VAV3: variants seen among roughly 807,000 people sequenced by gnomAD.
VAV3 encodes the protein guanine nucleotide exchange factor VAV3.
VAV3 carries 94 observed loss-of-function variants against 131.2 expected under a neutral mutation model. The observed-to-expected ratio is 0.72, with a 90% confidence interval of 0.61 to 0.85. The LOEUF (loss-of-function observed/expected upper bound fraction) is 0.85. Ranked by LOEUF, VAV3 falls within the 40% of genes least tolerant of loss-of-function variation. The pLI, the probability that VAV3 is intolerant of heterozygous loss-of-function variation, is 0.00. For synonymous variants in VAV3, 349 were observed against 342.0 expected, an observed-to-expected ratio of 1.02 and a Z score of -0.22; for missense variants, 939 against 1,002.7, an observed-to-expected ratio of 0.94 and a Z score of 0.86.
chr1:107,769,601 T>G (rs141170764), intron 6 of VAV3, among the ~76,000 whole-genome samples: 33 of 152,354 alleles, frequency 2.2e-4, no homozygotes, highest in African/African-American at 7.5e-4. Flanking sequence ...CCCAATCTAT[T>G]TGTCAATTCA....
At chr1:107,776,270 C>G (rs1665351381) in intron 4 of VAV3, among the ~76,000 whole-genome samples, 1 of 152,164 alleles carries the variant, frequency 6.6e-6, no homozygotes, top group Non-Finnish European at 1.5e-5. Context: ...CTGTGAAGTT[C>G]TAGGAATACA....
chr1:107,585,928 G>A (rs1650451100), intron 25 of VAV3, among the ~76,000 whole-genome samples: 1 of 152,192 alleles, frequency 6.6e-6, no homozygotes, highest in African/African-American at 2.4e-5. Flanking sequence ...GGTCACACAA[G>A]TGGCCTGTTA....
chr1:107,882,859 T>A (rs1474425422), intron 1 of VAV3, among the ~76,000 whole-genome samples: 1 of 152,150 alleles, frequency 6.6e-6, no homozygotes, highest in Non-Finnish European at 1.5e-5. Flanking sequence ...AGTTTAGGAC[T>A]GCACAATATG....
intron 19 of VAV3, among the ~76,000 whole-genome samples, chr1:107,676,880 T>C (rs1658248742): frequency 6.6e-6 from 1 of 152,162 alleles, no homozygotes. Flanking sequence ...TAGTTCATCA[T>C]GTACTCTACA....
At chr1:107,783,796 C>G (rs1459579342) in intron 2 of VAV3, among the ~76,000 whole-genome samples, 1 of 152,058 alleles carries the variant, frequency 6.6e-6, no homozygotes, top group South Asian at 2.1e-4. Context: ...CGCCTGTAAT[C>G]CCAGCACTTT....
chr1:107,759,086 A>G (rs544169905), intron 10 of VAV3, among the ~76,000 whole-genome samples: 2 of 152,064 alleles, frequency 1.3e-5, no homozygotes, highest in Non-Finnish European at 2.9e-5. Context: ...CCTTACATGT[A>G]CCTATCATAT....
chr1:107,693,783 G>A (rs1196742736), intron 17 of VAV3, among the ~76,000 whole-genome samples: 2 of 152,120 alleles, frequency 1.3e-5, no homozygotes, highest in Admixed American at 6.6e-5. Flanking sequence ...AACATATTCC[G>A]AACAGCAAAG....
At chr1:107,704,254 T>C (rs1037682160) in intron 17 of VAV3, among the ~76,000 whole-genome samples, 1 of 152,202 alleles carries the variant, frequency 6.6e-6, no homozygotes, top group African/African-American at 2.4e-5. Flanking sequence ...ATGGTTTTAG[T>C]CATTTATTTA....
At chr1:107,649,331 G>A (rs140891775) in intron 19 of VAV3, among the ~76,000 whole-genome samples, 1 of 152,232 alleles carries the variant, frequency 6.6e-6, no homozygotes, top group Non-Finnish European at 1.5e-5. Flanking sequence ...AAGAGAGACA[G>A]TCTAAAGGAG....
At chr1:107,775,925 G>C (rs2102208763) in intron 4 of VAV3, among the ~76,000 whole-genome samples, 1 of 152,264 alleles carries the variant, frequency 6.6e-6, no homozygotes, top group South Asian at 2.1e-4. Flanking sequence ...TGGAAGTTGG[G>C]GCTGTGACTA....
At chr1:107,582,960 T>C (rs955018926) in intron 25 of VAV3, among the ~76,000 whole-genome samples, 8 of 152,108 alleles carry the variant, frequency 5.3e-5, no homozygotes, top group African/African-American at 1.9e-4. Flanking sequence ...ATGGTATTTC[T>C]AGTTCTAGAT....
intron 1 of VAV3, among the ~76,000 whole-genome samples, chr1:107,945,594 C>T (rs345285): frequency 0.95 from 144,426 of 152,070 alleles, 68,994 homozygotes; most frequent in East Asian, 1. Flanking sequence ...GAGGTTGAGA[C>T]GAGCGGACTA....
Position 107,937,280 on chromosome 1 carries a change from C to T in VAV3, c.204+27386G>A, listed in dbSNP as rs1466252560. On this transcript the variant is annotated intron_variant, in intron 1 of 26. Coordinates refer to ENST00000370056, the MANE Select transcript of VAV3 (RefSeq NM_006113.5). ...CTTATAGAGGCAAGGATGAAACCCA[C>T]GCATGACTAATTGGTCCCTTCCATG... Among the ~76,000 whole-genome samples the T allele has an allele frequency of 3.3e-5, 5 of 152,182 alleles. No homozygotes were observed. In the East Asian group the frequency reaches 5.8e-4, roughly 18 times the overall value.
At chr1:107,749,920 A>G (rs1298814656) in intron 13 of VAV3, among the ~76,000 whole-genome samples, 1 of 152,194 alleles carries the variant, frequency 6.6e-6, no homozygotes. Flanking sequence ...TATCTTTTTT[A>G]ATTTAAAAGC....
At chr1:107,929,546 T>C (rs77648134) in intron 1 of VAV3, among the ~76,000 whole-genome samples, 22,841 of 151,994 alleles carry the variant, frequency 0.15, 1,842 homozygotes, top group South Asian at 0.22. Flanking sequence ...TTATATAACA[T>C]TGTAACTATA....
intron 4 of VAV3, among the ~76,000 whole-genome samples, chr1:107,773,152 TATTTAATCC>T (rs1016367534): frequency 6.6e-6 from 1 of 152,228 alleles, no homozygotes; most frequent in African/African-American, 2.4e-5. Flanking sequence ...TGTGCATTAT[TATTTAATCC>T]ATTAAAGAGA....
At chr1:107,610,002 A>C in intron 21 of VAV3, 37 bp from the exon 22 acceptor site, 1 of 1,600,136 alleles carries the variant, frequency 6.2e-7, no homozygotes, top group Non-Finnish European at 8.6e-7. Flanking sequence ...TTAAGTTTAC[A>C]TAAGGGAAGC....
chr1:107,621,248 T>C (rs4915058), intron 20 of VAV3, among the ~76,000 whole-genome samples: 150,348 of 152,160 alleles, frequency 0.99, 74,297 homozygotes, highest in Middle Eastern at 1. Flanking sequence ...ATAGGCATTC[T>C]GTAGATGACA....
At chr1:107,929,013 A>T (rs1379322754) in intron 1 of VAV3, among the ~76,000 whole-genome samples, 1 of 152,148 alleles carries the variant, frequency 6.6e-6, no homozygotes, top group African/African-American at 2.4e-5. Context: ...AGAAAGAAAA[A>T]AGAAACAAAT....
Sources: allele counts gnomAD v4.1 joint callset (sites outside exome capture counted in the v4.1 genomes callset), GRCh38; gene constraint gnomAD v4.1.1; transcripts MANE v1.5; gene names NCBI Gene and HGNC (gene_info 2026-07-23, HGNC 2026-07-21).